FMNL2: variants seen among roughly 807,000 people sequenced by gnomAD.
FMNL2 encodes the protein formin-like protein 2.
A neutral mutation model predicts 130.2 loss-of-function variants in FMNL2; 51 were observed. The observed-to-expected ratio is 0.39, with a 90% CI of 0.31 to 0.49. The LOEUF is 0.49. Ranked by LOEUF, FMNL2 falls within the 20% of genes least tolerant of loss-of-function variation. FMNL2 has a pLI of 0.85. For synonymous variants in FMNL2, 465 were observed against 467.1 expected, an observed-to-expected ratio of 1.00 and a Z score of 0.06; for missense variants, 977 against 1,316.2, an observed-to-expected ratio of 0.74 and a Z score of 3.99.
In FMNL2 at chr2:152,524,084, C is replaced by A. The variant is rs550311838; in HGVS notation, c.201+2058C>A. Among the ~76,000 whole-genome samples, 404 of 152,222 alleles carry A rather than the reference C, an allele frequency of 2.7e-3. 7 individuals carry two copies. Among genetic ancestry groups the A allele is most frequent in the Non-Finnish European group, 3.4e-3 (233 of 68,012 alleles). ...TTGCTTTTGGTAAAGGAAAGCAATT[C>A]ACTGCTCATTTTTAGGAATTACTTT... On this transcript the variant is annotated intron_variant, in intron 2 of 25. Coordinates refer to ENST00000288670, the MANE Select transcript of FMNL2 (RefSeq NM_052905.4).
chr2:152,506,017 A>G (rs956037966), intron 1 of FMNL2, among the ~76,000 whole-genome samples: 4 of 152,214 alleles, frequency 2.6e-5, no homozygotes, highest in Non-Finnish European at 5.9e-5. Flanking sequence ...TTTAGTCTGA[A>G]AGATTTCTTT....
At chr2:152,495,817 A>G (rs1691489700) in intron 1 of FMNL2, among the ~76,000 whole-genome samples, 1 of 149,852 alleles carries the variant, frequency 6.7e-6, no homozygotes, top group Non-Finnish European at 1.5e-5. Flanking sequence ...GTTAAGAACT[A>G]GAGAATGACG....
intron 25 of FMNL2, among the ~76,000 whole-genome samples, chr2:152,646,311 CAG>C (rs1427789982): frequency 2.0e-5 from 3 of 149,198 alleles, no homozygotes; most frequent in Non-Finnish European, 3.0e-5. Flanking sequence ...GCCTCAGTGA[CAG>C]AGACTGTCCT....
At chr2:152,482,082 A>AG (rs1234058443) in intron 1 of FMNL2, among the ~76,000 whole-genome samples, 2 of 152,208 alleles carry the variant, frequency 1.3e-5, no homozygotes, top group Non-Finnish European at 2.9e-5. Flanking sequence ...GGGACCCAGG[A>AG]GGCAGCAGTC....
chr2:152,591,960 G>A lies in FMNL2; in HGVS notation c.876+10911G>A, dbSNP rs555993170. On this transcript the variant is annotated intron_variant, in intron 9 of 25. Coordinates refer to ENST00000288670, the MANE Select transcript of FMNL2 (RefSeq NM_052905.4). ...CTACTAAAAATACAAAAAATAAGCC[G>A]GGTGTGGTGGCACGTGCCTGTAGTC... Among the ~76,000 whole-genome samples the A allele has an allele frequency of 1.4e-4, 22 of 152,126 alleles. No homozygotes were observed. In the South Asian group the frequency reaches 3.9e-3, roughly 27 times the overall value.
At chr2:152,469,871 A>G (rs1449898481) in intron 1 of FMNL2, among the ~76,000 whole-genome samples, 1 of 152,178 alleles carries the variant, frequency 6.6e-6, no homozygotes, top group African/African-American at 2.4e-5. Flanking sequence ...GAAACACAGT[A>G]ATTCTATGGT....
intron 1 of FMNL2, among the ~76,000 whole-genome samples, chr2:152,352,839 G>C (rs1484519092): frequency 4.3e-5 from 4 of 93,272 alleles, no homozygotes; most frequent in South Asian, 9.1e-4. Flanking sequence ...GTTACAGCTT[G>C]AAGGCTGTGT....
intron 1 of FMNL2, among the ~76,000 whole-genome samples, chr2:152,454,572 G>A (rs1286304975): frequency 5.3e-5 from 8 of 152,194 alleles, no homozygotes. Context: ...CATTTTTACT[G>A]AAGGAGTTTT....
At chr2:152,594,779 A>T (rs1425468204) in intron 9 of FMNL2, among the ~76,000 whole-genome samples, 1 of 152,162 alleles carries the variant, frequency 6.6e-6, no homozygotes, top group East Asian at 1.9e-4. Context: ...CTTTCAACAC[A>T]GTGGTATATG....
chr2:152,532,375 A>G (rs566687153), intron 2 of FMNL2, among the ~76,000 whole-genome samples: 1 of 152,256 alleles, frequency 6.6e-6, no homozygotes, highest in East Asian at 1.9e-4. Flanking sequence ...CATTCCTACC[A>G]GCGATGTAAT....
intron 1 of FMNL2, among the ~76,000 whole-genome samples, chr2:152,337,832 G>A (rs183196371): frequency 9.2e-5 from 14 of 152,214 alleles, no homozygotes; most frequent in Admixed American, 4.6e-4. Context: ...CTTTTATTGA[G>A]TAGAGACAAA....
At chr2:152,431,283 A>G (rs1162066816) in intron 1 of FMNL2, among the ~76,000 whole-genome samples, 2 of 152,204 alleles carry the variant, frequency 1.3e-5, no homozygotes, top group Admixed American at 6.5e-5. Flanking sequence ...AGGCTCAATT[A>G]TGATAATGGT....
At chr2:152,536,311 G>A (rs976494299) in intron 2 of FMNL2, among the ~76,000 whole-genome samples, 1 of 152,214 alleles carries the variant, frequency 6.6e-6, no homozygotes, top group South Asian at 2.1e-4. Flanking sequence ...AACCCTTGAG[G>A]ATATGAATTA....
Position 152,597,652 on chromosome 2 carries a change from C to T in FMNL2, c.877-9687C>T, listed in dbSNP as rs79706230. Among the ~76,000 whole-genome samples the T allele has an allele frequency of 0.016, 2,492 of 152,258 alleles. 105 individuals are homozygous for T. The East Asian group carries it at 0.17, about 11-fold the overall frequency. ...TCACTCATTGTTCCTTTTGTGCCACCAGTGCCAACTGCCAACTCTGTGAAA... is the reference window on the plus strand; with the variant it reads ...TCACTCATTGTTCCTTTTGTGCCACTAGTGCCAACTGCCAACTCTGTGAAA... On this transcript the variant is annotated intron_variant, in intron 9 of 25. Transcript: ENST00000288670.
At chr2:152,466,528 A>G (rs1218597870) in intron 1 of FMNL2, among the ~76,000 whole-genome samples, 2 of 152,184 alleles carry the variant, frequency 1.3e-5, no homozygotes, top group African/African-American at 2.4e-5. Context: ...AATGTGGGCC[A>G]CTTTGGATTT....
At chr2:152,610,265 A>AT (rs1470102196) in intron 10 of FMNL2, among the ~76,000 whole-genome samples, 1 of 152,198 alleles carries the variant, frequency 6.6e-6, no homozygotes, top group Admixed American at 6.5e-5. Context: ...AACTATAATA[A>AT]TTTCCACAGT....
intron 3 of FMNL2, among the ~76,000 whole-genome samples, chr2:152,545,735 C>T (rs1198693773): frequency 6.6e-6 from 1 of 152,174 alleles, no homozygotes; most frequent in Non-Finnish European, 1.5e-5. Flanking sequence ...TCCTCTGTGG[C>T]TCCCCATGGG....
intron 25 of FMNL2, among the ~76,000 whole-genome samples, chr2:152,646,537 C>T (rs1195256610): frequency 6.8e-6 from 1 of 147,070 alleles, no homozygotes. Context: ...AAACCCTGGT[C>T]TTTATGTTAA....
intron 9 of FMNL2, among the ~76,000 whole-genome samples, chr2:152,601,335 C>T (rs1698045347): frequency 1.5e-5 from 2 of 137,398 alleles, no homozygotes; most frequent in Non-Finnish European, 3.1e-5. Context: ...GAGTCTCGCT[C>T]TGTCACCCAG....
Sources: allele counts gnomAD v4.1 joint callset (sites outside exome capture counted in the v4.1 genomes callset), GRCh38; gene constraint gnomAD v4.1.1; transcripts MANE v1.5; gene names NCBI Gene and HGNC (gene_info 2026-07-23, HGNC 2026-07-21).